Variants in MLLT3 observed in about 807,000 individuals in gnomAD.
MLLT3 encodes MLLT3 super elongation complex subunit.
A neutral mutation model predicts 53.2 loss-of-function variants in MLLT3; 4 were observed. The observed-to-expected ratio is 0.08, with a 90% CI of 0.04 to 0.17. The LOEUF (loss-of-function observed/expected upper bound fraction) is 0.17, where lower values mean the gene tolerates loss of function less well. Ranked by LOEUF, MLLT3 falls within the 10% of genes least tolerant of loss-of-function variation. The probability of loss-of-function intolerance (pLI) is 1.00; values close to 1 mark genes in which losing one functional copy is unlikely to be tolerated. For synonymous variants in MLLT3, 283 were observed against 230.6 expected, an observed-to-expected ratio of 1.23 and a Z score of -2.06; for missense variants, 569 against 684.0, an observed-to-expected ratio of 0.83 and a Z score of 1.87.
intron 2 of MLLT3, among the ~76,000 whole-genome samples, chr9:20,603,299 A>G (rs2775265): frequency 0.8 from 121,143 of 151,972 alleles, 48,520 homozygotes; most frequent in Middle Eastern, 0.89. Context: ...CAGAAAACTT[A>G]GAGCCACCTG....
chr9:20,615,142 G>A (rs1005481699), intron 2 of MLLT3, among the ~76,000 whole-genome samples: 13 of 151,856 alleles, frequency 8.6e-5, no homozygotes, highest in South Asian at 4.2e-4. Flanking sequence ...CCAGGAGTTG[G>A]AGACCAGTCT....
chr9:20,505,865 G>A (rs1198029574), intron 2 of MLLT3, among the ~76,000 whole-genome samples: 1 of 152,146 alleles, frequency 6.6e-6, no homozygotes, highest in Non-Finnish European at 1.5e-5. Context: ...ACTACCACTA[G>A]TTTAGATACC....
At chr9:20,618,230 T>C (rs570220313) in intron 2 of MLLT3, among the ~76,000 whole-genome samples, 1 of 152,306 alleles carries the variant, frequency 6.6e-6, no homozygotes, top group Admixed American at 6.5e-5. Flanking sequence ...CTATCACTTA[T>C]AGATCTACAA....
At chr9:20,381,603 G>A (rs1821909447) in intron 5 of MLLT3, among the ~76,000 whole-genome samples, 1 of 151,810 alleles carries the variant, frequency 6.6e-6, no homozygotes, top group African/African-American at 2.4e-5. Context: ...TGAAATACAT[G>A]TACTTGCATG....
intron 4 of MLLT3, among the ~76,000 whole-genome samples, chr9:20,420,450 T>G (rs1002819967): frequency 6.6e-6 from 1 of 152,220 alleles, no homozygotes; most frequent in African/African-American, 2.4e-5. Flanking sequence ...GTATGAGTGC[T>G]AGATTAATAT....
chr9:20,543,575 G>A (rs527983004), intron 2 of MLLT3, among the ~76,000 whole-genome samples: 2 of 152,218 alleles, frequency 1.3e-5, no homozygotes, highest in South Asian at 4.2e-4. Context: ...TCAGGAGTTT[G>A]AGTCTACAGC....
chr9:20,480,999 C>T (rs568805381), intron 2 of MLLT3, among the ~76,000 whole-genome samples: 1 of 151,970 alleles, frequency 6.6e-6, no homozygotes, highest in African/African-American at 2.4e-5. Context: ...CGCACACACA[C>T]AAAAAAGAGT....
intron 2 of MLLT3, among the ~76,000 whole-genome samples, chr9:20,543,480 G>A (rs1327952193): frequency 2.0e-5 from 3 of 152,028 alleles, no homozygotes; most frequent in Non-Finnish European, 4.4e-5. Flanking sequence ...ACATATATAA[G>A]AATAATGAAA....
At chr9:20,462,851 A>T (rs1824145010) in intron 2 of MLLT3, among the ~76,000 whole-genome samples, 1 of 152,074 alleles carries the variant, frequency 6.6e-6, no homozygotes, top group South Asian at 2.1e-4. Flanking sequence ...AAAAGAAGGG[A>T]TAGAGTAAGA....
rs535030166 is a variant in MLLT3 at position 20,522,728 on chromosome 9, C to T, written c.194-65942G>A. Among the ~76,000 whole-genome samples the T allele has an allele frequency of 6.6e-5, 10 of 152,088 alleles. No homozygotes were observed. In the South Asian group the frequency reaches 2.1e-3, roughly 32 times the overall value. On this transcript the variant is annotated intron_variant, in intron 2 of 10. Coordinates refer to ENST00000380338, the MANE Select transcript of MLLT3 (RefSeq NM_004529.4). ...GCTGTCAAGAGAATCAAAAGAAAAG[C>T]CACAGACTAGAAGGAAATAAATGAC...
chr9:20,606,819 G>C (rs1432379346), intron 2 of MLLT3, among the ~76,000 whole-genome samples: 6 of 152,084 alleles, frequency 3.9e-5, no homozygotes, highest in Non-Finnish European at 8.8e-5. Flanking sequence ...CCCCACGTTT[G>C]CTGGCCTCCA....
intron 5 of MLLT3, among the ~76,000 whole-genome samples, chr9:20,368,876 G>C (rs1307108809): frequency 1.3e-5 from 2 of 152,226 alleles, no homozygotes; most frequent in East Asian, 3.8e-4. Context: ...ATGCTGAAGA[G>C]TGGGCAACAA....
intron 2 of MLLT3, among the ~76,000 whole-genome samples, chr9:20,501,676 G>C (rs1039995421): frequency 6.6e-6 from 1 of 151,050 alleles, no homozygotes; most frequent in African/African-American, 2.4e-5. Flanking sequence ...GCGTGAACCC[G>C]GGAAGCGGAG....
chr9:20,424,955 C>T (rs1282336976), intron 4 of MLLT3, among the ~76,000 whole-genome samples: 4 of 152,170 alleles, frequency 2.6e-5, no homozygotes, highest in Non-Finnish European at 5.9e-5. Context: ...AAAGCAGGAA[C>T]TATGTGAGTG....
At chr9:20,512,786 G>A (rs990672174) in intron 2 of MLLT3, among the ~76,000 whole-genome samples, 1 of 152,162 alleles carries the variant, frequency 6.6e-6, no homozygotes, top group African/African-American at 2.4e-5. Context: ...TAACTATACT[G>A]CCACAAAGCA....
At chr9:20,519,997 C>A (rs954446721) in intron 2 of MLLT3, among the ~76,000 whole-genome samples, 34 of 152,266 alleles carry the variant, frequency 2.2e-4, no homozygotes, top group African/African-American at 7.0e-4. Flanking sequence ...TACATATATG[C>A]CATGGAATAC....
intron 5 of MLLT3, among the ~76,000 whole-genome samples, chr9:20,407,499 T>C (rs577159947): frequency 6.6e-6 from 1 of 152,162 alleles, no homozygotes; most frequent in African/African-American, 2.4e-5. Flanking sequence ...CCCAAACCAA[T>C]AGGTCAAAGA....
chr9:20,494,131 C>T (rs946514445), intron 2 of MLLT3, among the ~76,000 whole-genome samples: 4 of 152,044 alleles, frequency 2.6e-5, no homozygotes, highest in Non-Finnish European at 5.9e-5. Flanking sequence ...ATATCTTTGT[C>T]AAAAATATAT....
At chr9:20,491,274 C>T (rs1824940649) in intron 2 of MLLT3, among the ~76,000 whole-genome samples, 1 of 151,788 alleles carries the variant, frequency 6.6e-6, no homozygotes, top group Non-Finnish European at 1.5e-5. Flanking sequence ...ATCCACAAAA[C>T]CATTTTAAAT....
Sources: allele counts gnomAD v4.1 joint callset (sites outside exome capture counted in the v4.1 genomes callset), GRCh38; gene constraint gnomAD v4.1.1; transcripts MANE v1.5; gene names NCBI Gene and HGNC (gene_info 2026-07-23, HGNC 2026-07-21).